CELF4: variants seen among roughly 807,000 people sequenced by gnomAD.
CELF4 encodes the protein CUG-BP- and ETR-3-like factor 4.
Under a neutral mutation model 59.9 loss-of-function variants are expected in CELF4, and 18 were observed. The observed-to-expected ratio is 0.30, with a 90% CI of 0.21 to 0.45. CELF4 has a LOEUF of 0.45. Ranked by LOEUF, CELF4 falls within the 20% of genes least tolerant of loss-of-function variation. The probability of loss-of-function intolerance (pLI) is 1.00; values close to 1 mark genes in which losing one functional copy is unlikely to be tolerated. For synonymous variants in CELF4, 261 were observed against 267.1 expected, an observed-to-expected ratio of 0.98 and a Z score of 0.22; for missense variants, 456 against 689.0, an observed-to-expected ratio of 0.66 and a Z score of 3.79.
chr18:37,410,884 AC>A (rs1396745801), intron 2 of CELF4, among the ~76,000 whole-genome samples: 1 of 152,166 alleles, frequency 6.6e-6, no homozygotes, highest in Admixed American at 6.5e-5. Context: ...CTGCAGGGGC[AC>A]TGCTCCCTTG....
chr18:37,540,902 G>T (rs2099977309), intron 1 of CELF4, among the ~76,000 whole-genome samples: 4 of 151,942 alleles, frequency 2.6e-5, no homozygotes, highest in Admixed American at 2.6e-4. Context: ...GTGAGGGCTG[G>T]CAGTGTCAGT....
At chr18:37,503,429 G>A (rs2099934065) in intron 1 of CELF4, among the ~76,000 whole-genome samples, 2 of 152,162 alleles carry the variant, frequency 1.3e-5, no homozygotes, top group Non-Finnish European at 2.9e-5. Context: ...GCCTGCTGTC[G>A]AGTCACGAGT....
intron 3 of CELF4, among the ~76,000 whole-genome samples, chr18:37,293,284 C>G (rs2095451907): frequency 6.6e-6 from 1 of 152,240 alleles, no homozygotes. Context: ...GCCACATTAT[C>G]TCTAAAGTCT....
intron 3 of CELF4, among the ~76,000 whole-genome samples, chr18:37,277,135 C>T (rs1437467909): frequency 6.6e-6 from 1 of 152,362 alleles, no homozygotes; most frequent in South Asian, 2.1e-4. Context: ...CTCTGCCCTG[C>T]TGGTACTCCT....
intron 1 of CELF4, among the ~76,000 whole-genome samples, chr18:37,555,186 T>G (rs557882767): frequency 3.8e-4 from 58 of 152,324 alleles, no homozygotes; most frequent in South Asian, 8.3e-4. Context: ...GAGAGACCTC[T>G]TCACACAGCG....
chr18:37,265,567 G>A (rs1028646706), intron 9 of CELF4, among the ~76,000 whole-genome samples: 2 of 152,178 alleles, frequency 1.3e-5, no homozygotes. Context: ...GCTGCCAGGG[G>A]GTAGTCCCCA....
chr18:37,471,638 T>A (rs1363163036), intron 2 of CELF4, among the ~76,000 whole-genome samples: 1 of 152,042 alleles, frequency 6.6e-6, no homozygotes, highest in Non-Finnish European at 1.5e-5. Context: ...CACTCCCAGC[T>A]CTAAATTGCA....
chr18:37,414,238 CTATCT>C (rs1178264263), intron 2 of CELF4, among the ~76,000 whole-genome samples: 13 of 141,388 alleles, frequency 9.2e-5, no homozygotes, highest in African/African-American at 1.5e-4. Flanking sequence ...ATCTATCTAT[CTATCT>C]ATCCATCCAT....
In CELF4 at chr18:37,499,259, C is replaced by A. The variant is rs17750345; in HGVS notation, c.287-13652G>T. Among the ~76,000 whole-genome samples the A allele has an allele frequency of 0.024, 3,635 of 152,176 alleles. 222 individuals are homozygous for A. In the East Asian group the frequency reaches 0.26, roughly 11 times the overall value. On this transcript the variant is annotated intron_variant, in intron 1 of 12. Transcript: ENST00000420428. ...TGTCTAAGATGCTAATGACAGGAGG[C>A]GGTAATGAGCTGGCAGGGGCCTAGG...
intron 3 of CELF4, among the ~76,000 whole-genome samples, chr18:37,296,404 C>T (rs2095643895): frequency 6.6e-6 from 1 of 152,158 alleles, no homozygotes; most frequent in Admixed American, 6.5e-5. Flanking sequence ...CCATGTTGCC[C>T]CGGCTGACCT....
intron 9 of CELF4, among the ~76,000 whole-genome samples, chr18:37,265,888 G>T (rs1391535019): frequency 6.6e-6 from 1 of 152,194 alleles, no homozygotes; most frequent in African/African-American, 2.4e-5. Context: ...GCTAGGCAGG[G>T]ATGATGATGG....
intron 12 of CELF4, among the ~76,000 whole-genome samples, chr18:37,252,624 G>A (rs754014145): frequency 6.6e-6 from 1 of 150,694 alleles, no homozygotes; most frequent in Admixed American, 6.6e-5. Context: ...CCTCAGAGGC[G>A]GGGGCATGGC....
chr18:37,398,292 G>A (rs953150238), intron 2 of CELF4, among the ~76,000 whole-genome samples: 1 of 152,164 alleles, frequency 6.6e-6, no homozygotes, highest in East Asian at 1.9e-4. Flanking sequence ...GTGGGCAAAC[G>A]AGGGCCAGGA....
intron 2 of CELF4, among the ~76,000 whole-genome samples, chr18:37,485,153 C>T (rs1298624381): frequency 6.6e-6 from 1 of 152,100 alleles, no homozygotes; most frequent in Non-Finnish European, 1.5e-5. Context: ...GGCGCCCCCT[C>T]CCACGCCGGC....
chr18:37,314,457 G>A lies in CELF4; in HGVS notation c.448+7346C>T, dbSNP rs2096789248. 1.3e-5 allele frequency among the ~76,000 whole-genome samples: 2 copies of A among 152,034 alleles called. 1 individual carries two copies. The highest frequency in any genetic ancestry group is 4.1e-4 in the South Asian group (2 of 4,820). On this transcript the variant is annotated intron_variant, in intron 3 of 12. Transcript: ENST00000420428. The stretch of plus-strand genomic sequence containing the variant: ...GTGACAGAGTGAGACTGTCTCAAAA[G>A]AAAGAAAGACAGACAGAAAAAGAAA...
At chr18:37,262,194 C>T (rs372021510) in intron 10 of CELF4, among the ~76,000 whole-genome samples, 2 of 152,228 alleles carry the variant, frequency 1.3e-5, no homozygotes, top group African/African-American at 2.4e-5. Flanking sequence ...CCCAGTGCCG[C>T]GCTCTCACCC....
intron 2 of CELF4, among the ~76,000 whole-genome samples, chr18:37,349,678 A>C (rs942373942): frequency 1.3e-5 from 2 of 152,218 alleles, no homozygotes; most frequent in African/African-American, 4.8e-5. Context: ...AGACCCAGAC[A>C]GCAGCGTGGG....
chr18:37,334,729 G>A (rs997794308), intron 2 of CELF4, among the ~76,000 whole-genome samples: 2 of 151,916 alleles, frequency 1.3e-5, no homozygotes, highest in Non-Finnish European at 2.9e-5. Context: ...CTGACCCGGG[G>A]GGGACAGCTC....
chr18:37,334,732 G>T (rs1274406435), intron 2 of CELF4, among the ~76,000 whole-genome samples: 2 of 151,980 alleles, frequency 1.3e-5, no homozygotes, highest in Non-Finnish European at 2.9e-5. Context: ...ACCCGGGGGG[G>T]ACAGCTCCTT....
Sources: gnomAD v4.1 joint callset for allele counts (sites outside exome capture counted in the v4.1 genomes callset) on GRCh38, gnomAD v4.1.1 for gene constraint, MANE v1.5 for transcripts, NCBI Gene and HGNC (gene_info 2026-07-23, HGNC 2026-07-21) for gene names.